PIR: variants seen among roughly 807,000 people sequenced by gnomAD.
PIR encodes the protein pirin.
PIR carries 22 observed loss-of-function variants against 24.2 expected under a neutral mutation model. That is an observed-to-expected ratio of 0.91 (90% CI 0.65 to 1.30). The LOEUF (loss-of-function observed/expected upper bound fraction) is 1.30. Ranked by LOEUF, PIR falls within the 50% of genes most tolerant of loss-of-function variation. PIR has a pLI of 0.00. For synonymous variants in PIR, 80 were observed against 79.6 expected (o/e 1.00, Z -0.03); for missense variants, 220 against 220.3 (o/e 1.00, Z 0.01).
chrX:15,458,571 C>T (rs1054172469), intron 4 of PIR, among the ~76,000 whole-genome samples: 26 of 111,684 alleles, frequency 2.3e-4, no homozygotes, highest in Admixed American at 5.7e-4. Context: ...CTGGGGAGGT[C>T]GAGGCTGCAG....
chrX:15,402,978 A>G (rs1443733164), intron 7 of PIR, among the ~76,000 whole-genome samples: 2 of 112,280 alleles, frequency 1.8e-5, no homozygotes, highest in African/African-American at 6.5e-5. Context: ...AGGTGCCTTT[A>G]AGTCCACTAC....
At chrX:15,397,410 G>T in intron 8 of PIR, 39 bp downstream of exon 8, 1 of 948,076 alleles carries the variant, frequency 1.1e-6, no homozygotes, top group Non-Finnish European at 1.5e-6. Context: ...CCAGTAGAAA[G>T]TACATGTTAA....
At chrX:15,397,376 A>G in intron 8 of PIR, 73 bp downstream of exon 8, 1 of 709,377 alleles carries the variant, frequency 1.4e-6, no homozygotes, top group East Asian at 3.2e-5. Flanking sequence ...AGTTATCCAC[A>G]ACATTTAGGC....
At chrX:15,430,336 T>G (rs1925467867) in intron 5 of PIR, among the ~76,000 whole-genome samples, 1 of 112,188 alleles carries the variant, frequency 8.9e-6, no homozygotes, top group African/African-American at 3.2e-5. Flanking sequence ...TTGAAAGTAT[T>G]TAGGAAACTT....
At chrX:15,446,560 C>G (rs961674894) in intron 5 of PIR, among the ~76,000 whole-genome samples, 1 of 111,863 alleles carries the variant, frequency 8.9e-6, no homozygotes, top group Non-Finnish European at 1.9e-5. Context: ...TGTCCTGGGC[C>G]GCGAGTTGAA....
At chrX:15,415,191 T>C (rs1015202413) in intron 6 of PIR, among the ~76,000 whole-genome samples, 14 of 111,695 alleles carry the variant, frequency 1.3e-4, no homozygotes, top group African/African-American at 4.6e-4. Context: ...AGTAAGTTAC[T>C]TAATCTCTTT....
intron 3 of PIR, among the ~76,000 whole-genome samples, chrX:15,472,672 T>C (rs888173458): frequency 8.9e-6 from 1 of 111,968 alleles, no homozygotes; most frequent in Non-Finnish European, 1.9e-5. Context: ...GAAGGAAGAA[T>C]GAGAAAAGAC....
chrX:15,411,442 C>T (rs768628137), intron 6 of PIR, among the ~76,000 whole-genome samples: 2 of 111,621 alleles, frequency 1.8e-5, no homozygotes, highest in Non-Finnish European at 3.8e-5. Flanking sequence ...GGGTCATTTT[C>T]CTTCTGCCTC....
chrX:15,388,292 G>A (rs912875947), intron 9 of PIR, among the ~76,000 whole-genome samples: 2 of 111,856 alleles, frequency 1.8e-5, no homozygotes, highest in African/African-American at 3.3e-5. Context: ...ACTAGGGTTC[G>A]AGTCCCAGCT....
chrX:15,395,978 T>G (rs974453414), intron 8 of PIR, among the ~76,000 whole-genome samples: 1 of 111,743 alleles, frequency 8.9e-6, no homozygotes, highest in Non-Finnish European at 1.9e-5. Flanking sequence ...TTCTTCTGAC[T>G]CCCTTCATCA....
intron 6 of PIR, among the ~76,000 whole-genome samples, chrX:15,422,191 C>T (rs1373930699): frequency 7.3e-5 from 8 of 110,337 alleles, no homozygotes; most frequent in Non-Finnish European, 1.3e-4. Flanking sequence ...ACAGCTATCA[C>T]CATATTGAAT....
At chrX:15,449,116 T>A (rs146437858) in intron 5 of PIR, among the ~76,000 whole-genome samples, 1,756 of 112,070 alleles carry the variant, frequency 0.016, 20 homozygotes, top group Non-Finnish European at 0.026. Flanking sequence ...GAAGTTGAGA[T>A]GCTTGTCGGC....
At chrX:15,465,157 G>A (rs1459185109) in intron 3 of PIR, among the ~76,000 whole-genome samples, 4 of 110,824 alleles carry the variant, frequency 3.6e-5, no homozygotes, top group African/African-American at 9.8e-5. Context: ...ATTAAACCTC[G>A]TTGCTCCTAT....
At chrX:15,457,215 C>G (rs1921118986) in intron 4 of PIR, among the ~76,000 whole-genome samples, 1 of 111,907 alleles carries the variant, frequency 8.9e-6, no homozygotes, top group South Asian at 3.8e-4. Context: ...CCATCCTTCA[C>G]TGACCAAGAG....
rs111329269 is a variant in PIR at position 15,488,239 on chromosome X, T to C, written c.96+2923A>G. Among the ~76,000 whole-genome samples the C allele has an allele frequency of 5.7e-3, 542 of 95,336 alleles. 3 individuals carry two copies. Among genetic ancestry groups the C allele is most frequent in the African/African-American group, 0.021 (498 of 24,240 alleles). The allele number at this position is 95,336 out of a possible 115,157, so 82.8% of individuals were successfully genotyped here. ...GTTGCGGTGAGCTGAGATCATGCCA[T>C]TGCACTCCAGCCTGGGCAACAAGAG... On this transcript the variant is annotated intron_variant, in intron 2 of 9. Transcript: ENST00000380420.
At chrX:15,396,854 C>T (rs1924167141) in intron 8 of PIR, among the ~76,000 whole-genome samples, 1 of 110,834 alleles carries the variant, frequency 9.0e-6, no homozygotes, top group African/African-American at 3.3e-5. Flanking sequence ...CATTCTTCTG[C>T]CTCAGCCTCC....
chrX:15,390,129 C>T (rs751245808), intron 9 of PIR, 56 bp downstream of exon 9: 62 of 687,672 alleles, frequency 9.0e-5, no homozygotes, highest in Non-Finnish European at 1.3e-4. Flanking sequence ...TACATGTATA[C>T]TGTTTTCAAA....
chrX:15,411,233 G>A (rs193189971), intron 6 of PIR, among the ~76,000 whole-genome samples: 15 of 112,007 alleles, frequency 1.3e-4, no homozygotes, highest in Non-Finnish European at 2.4e-4. Context: ...TCACATTTTC[G>A]TTCTGGCCTC....
chrX:15,472,300 C>T (rs944897642), intron 3 of PIR, among the ~76,000 whole-genome samples: 5 of 112,124 alleles, frequency 4.5e-5, no homozygotes, highest in Non-Finnish European at 9.4e-5. Context: ...ACAACTTTCC[C>T]TTGTCACCCG....
Sources: gnomAD v4.1 joint callset for allele counts (sites outside exome capture counted in the v4.1 genomes callset) on GRCh38, gnomAD v4.1.1 for gene constraint, MANE v1.5 for transcripts, NCBI Gene and HGNC (gene_info 2026-07-23, HGNC 2026-07-21) for gene names.